The following MACF1 variants were observed in gnomAD, a reference collection of about 807,000 sequenced individuals.
MACF1 encodes microtubule actin crosslinking factor 1, also known as microtubule-actin cross-linking factor 1.
MACF1 carries 193 observed loss-of-function variants against 854.8 expected under a neutral mutation model. The observed-to-expected ratio is 0.23, with a 90% confidence interval of 0.20 to 0.25. The LOEUF is 0.25. Among genes scored for constraint, MACF1 ranks in the 10% least tolerant of loss-of-function variants. The probability of loss-of-function intolerance (pLI) is 1.00; values close to 1 mark genes in which losing one functional copy is unlikely to be tolerated. For missense variants in MACF1, 7,722 were observed against 8,929.1 expected (o/e 0.86, Z 5.45); for synonymous variants, 3,185 against 3,226.7 (o/e 0.99, Z 0.44).
chr1:39,322,126 T>TA (rs950754170), intron 31 of MACF1, among the ~76,000 whole-genome samples: 1 of 152,122 alleles, frequency 6.6e-6, no homozygotes, highest in Non-Finnish European at 1.5e-5. Flanking sequence ...TGTTAACACT[T>TA]ACCCACTTAG....
chr1:39,220,329 T>A (rs754425275), intron 1 of MACF1, among the ~76,000 whole-genome samples: 2 of 147,872 alleles, frequency 1.4e-5, no homozygotes, highest in Non-Finnish European at 3.0e-5. Flanking sequence ...CGCACCACCT[T>A]GCCTGGCTAA....
At chr1:39,176,871 T>C (rs984465736) in intron 2 of MACF1, among the ~76,000 whole-genome samples, 2 of 152,216 alleles carry the variant, frequency 1.3e-5, no homozygotes, top group African/African-American at 4.8e-5. Flanking sequence ...CATTGCTTGC[T>C]GTTGAAGCCT....
intron 2 of MACF1, among the ~76,000 whole-genome samples, chr1:39,153,325 G>C (rs535529009): frequency 6.6e-6 from 1 of 152,234 alleles, no homozygotes; most frequent in South Asian, 2.1e-4. Flanking sequence ...AGAATCTGAG[G>C]TCCTATAGGT....
intron 2 of MACF1, among the ~76,000 whole-genome samples, chr1:39,189,099 C>T (rs757406468): frequency 2.0e-5 from 3 of 152,346 alleles, no homozygotes; most frequent in Non-Finnish European, 2.9e-5. Flanking sequence ...TGACCTCACA[C>T]GGGCCTGAAG....
At chr1:39,211,829 C>T (rs1347553295) in intron 1 of MACF1, among the ~76,000 whole-genome samples, 2 of 151,612 alleles carry the variant, frequency 1.3e-5, no homozygotes. Context: ...TGCAGCGAGC[C>T]GAGATCAAGC....
intron 66 of MACF1, 96 bp from the exon 67 acceptor site, chr1:39,432,439 A>G (rs1255750187): frequency 9.5e-7 from 1 of 1,056,400 alleles, no homozygotes; most frequent in Non-Finnish European, 1.4e-6. Context: ...AAACTGTATT[A>G]CTGAAAATCC....
chr1:39,173,714 G>T (rs1015783513), intron 2 of MACF1, among the ~76,000 whole-genome samples: 1 of 152,152 alleles, frequency 6.6e-6, no homozygotes, highest in Non-Finnish European at 1.5e-5. Flanking sequence ...ACTGAGGGGC[G>T]GCTGTGTTTG....
chr1:39,251,073 A>G (rs1645035306), intron 3 of MACF1, among the ~76,000 whole-genome samples: 1 of 152,222 alleles, frequency 6.6e-6, no homozygotes, highest in Non-Finnish European at 1.5e-5. Context: ...GTGTTTAAGT[A>G]ACAGAATTTG....
chr1:39,153,021 G>A lies in MACF1; in HGVS notation c.220+68583G>A, dbSNP rs190425343. Among the ~76,000 whole-genome samples, 13 of 152,314 alleles carry A rather than the reference G, an allele frequency of 8.5e-5. No individual in the cohort carries two copies. In the East Asian group the frequency reaches 1.7e-3, roughly 20 times the overall value. On this transcript the variant is annotated intron_variant, in intron 2 of 93. Transcript: ENST00000361689. ...CAGGCACTGATCTTTAGCTGACTTA[G>A]TGGTGCAGCTGTATCCTCTGGGTTT... is the stretch of plus-strand genomic sequence containing the variant.
At chr1:39,087,326 C>G (rs1401764370) in intron 2 of MACF1, among the ~76,000 whole-genome samples, 2 of 152,244 alleles carry the variant, frequency 1.3e-5, no homozygotes, top group Admixed American at 6.5e-5. Flanking sequence ...CCCTGGCCCA[C>G]TCCGTGTCCT....
intron 42 of MACF1, 80 bp downstream of exon 42, chr1:39,349,707 A>G: frequency 1.4e-6 from 2 of 1,451,878 alleles, no homozygotes; most frequent in Non-Finnish European, 1.9e-6. Context: ...ATCTTGGCTC[A>G]CTGCAGCTTC....
At chr1:39,435,999 C>T (rs575056053) in intron 70 of MACF1, 20 of 493,766 alleles carry the variant, frequency 4.1e-5, no homozygotes, top group African/African-American at 3.7e-4. Context: ...TTGATGGTTT[C>T]TCTGAAAACT....
intron 2 of MACF1, among the ~76,000 whole-genome samples, chr1:39,163,350 A>G (rs1643841881): frequency 6.6e-6 from 1 of 150,516 alleles, no homozygotes; most frequent in Non-Finnish European, 1.5e-5. Flanking sequence ...CAAAAAAAAA[A>G]AAAAAAAAAA....
chr1:39,142,799 T>C (rs1387843553), intron 2 of MACF1, among the ~76,000 whole-genome samples: 1 of 152,204 alleles, frequency 6.6e-6, no homozygotes, highest in Non-Finnish European at 1.5e-5. Flanking sequence ...CACCTAGGAA[T>C]GGCAGTAGCC....
At chr1:39,217,898 A>AAAAG (rs1557523988) in intron 1 of MACF1, among the ~76,000 whole-genome samples, 1 of 150,768 alleles carries the variant, frequency 6.6e-6, no homozygotes, top group African/African-American at 2.4e-5. Context: ...AAAAAAAAAA[A>AAAAG]AGAGGTCGGT....
chr1:39,193,252 T>C (rs1311506893), intron 2 of MACF1, among the ~76,000 whole-genome samples: 1 of 152,102 alleles, frequency 6.6e-6, no homozygotes, highest in African/African-American at 2.4e-5. Flanking sequence ...TACCAGAGTT[T>C]CCTGGAAAAA....
intron 52 of MACF1, among the ~76,000 whole-genome samples, chr1:39,378,248 G>A (rs1649885203): frequency 6.6e-6 from 1 of 152,190 alleles, no homozygotes; most frequent in Admixed American, 6.5e-5. Flanking sequence ...TCCTCTAGAA[G>A]GGATTAAGAA....
At chr1:39,198,367 G>T (rs1208423557) in intron 2 of MACF1, among the ~76,000 whole-genome samples, 1 of 151,122 alleles carries the variant, frequency 6.6e-6, no homozygotes, top group African/African-American at 2.4e-5. Context: ...AAATTAGCTG[G>T]GCGTGCCGGG....
chr1:39,108,275 G>A (rs1014431584), intron 2 of MACF1, among the ~76,000 whole-genome samples: 2 of 152,060 alleles, frequency 1.3e-5, no homozygotes, highest in Middle Eastern at 3.2e-3. Flanking sequence ...CCAATTCTCT[G>A]ACAGTCATTA....
Sources: allele counts gnomAD v4.1 joint callset (sites outside exome capture counted in the v4.1 genomes callset), GRCh38; gene constraint gnomAD v4.1.1; transcripts MANE v1.5; gene names NCBI Gene and HGNC (gene_info 2026-07-23, HGNC 2026-07-21).